The following HPS3 variants were observed in gnomAD, a reference collection of about 807,000 sequenced individuals.
The protein encoded by HPS3 is BLOC-2 complex member HPS3.
A neutral mutation model predicts 110.9 loss-of-function variants in HPS3; 79 were observed. The observed-to-expected ratio is 0.71, with a 90% confidence interval of 0.59 to 0.86. The LOEUF is 0.86. Among genes scored for constraint, HPS3 ranks in the 40% least tolerant of loss-of-function variants. The pLI is 0.00. For missense variants in HPS3, 1,197 were observed against 1,206.2 expected (o/e 0.99, Z 0.11); for synonymous variants, 428 against 451.0 (o/e 0.95, Z 0.65).
In HPS3 at chr3:149,141,527, T is replaced by TG. The variant is rs1416764878; in HGVS notation, c.970+147_970+148insG. ...TGTGGCCCTTTAACAAAGTTTTTTTTTTTGTTTTTTTTTTTTTTTTTTTTT... is the reference window on the plus strand; with the variant it reads ...TGTGGCCCTTTAACAAAGTTTTTTTTGTTTGTTTTTTTTTTTTTTTTTTTTT... On this transcript the variant is annotated intron_variant, in intron 4 of 16. Coordinates refer to ENST00000296051, the MANE Select transcript of HPS3 (RefSeq NM_032383.5). 9 of 580,808 alleles carry TG rather than the reference T, an allele frequency of 1.5e-5. No homozygotes were observed. In the African/African-American group the frequency reaches 2.0e-4, roughly 13 times the overall value. 36.0% of individuals were successfully genotyped at this position (580,808 alleles called of 1,614,324 possible). A position where few individuals can be genotyped will look rare whatever the true frequency, so the allele number is the denominator to read the frequency against.
chr3:149,163,549 A>G (rs1301104517), intron 13 of HPS3, among the ~76,000 whole-genome samples: 2 of 152,186 alleles, frequency 1.3e-5, no homozygotes, highest in Non-Finnish European at 2.9e-5. Flanking sequence ...ATTATTTCCA[A>G]TATTCTTTTT....
At chr3:149,166,150 A>G in intron 14 of HPS3, 1 of 388,094 alleles carries the variant, frequency 2.6e-6, no homozygotes, top group East Asian at 7.5e-5. Flanking sequence ...TGGTAGAATC[A>G]AAAGTAGTAT....
intron 14 of HPS3, among the ~76,000 whole-genome samples, chr3:149,165,211 C>G (rs1294243329): frequency 6.6e-6 from 1 of 152,094 alleles, no homozygotes; most frequent in Non-Finnish European, 1.5e-5. Flanking sequence ...GAGCATTGGA[C>G]AAGACAGATG....
intron 1 of HPS3, among the ~76,000 whole-genome samples, chr3:149,135,009 C>T (rs1482716851): frequency 6.6e-6 from 1 of 152,178 alleles, no homozygotes; most frequent in Non-Finnish European, 1.5e-5. Flanking sequence ...TTCACAATAA[C>T]TGGGACATGA....
At chr3:149,149,373 T>C (rs1395788730) in intron 5 of HPS3, among the ~76,000 whole-genome samples, 1 of 152,140 alleles carries the variant, frequency 6.6e-6, no homozygotes, top group Non-Finnish European at 1.5e-5. Flanking sequence ...CTTCCCTCTC[T>C]CTCAGTTTAC....
At chr3:149,130,625 C>T (rs139580518) in intron 1 of HPS3, among the ~76,000 whole-genome samples, 14 of 152,190 alleles carry the variant, frequency 9.2e-5, no homozygotes, top group African/African-American at 3.4e-4. Flanking sequence ...ACTAAAAATA[C>T]AAAAATTAGC....
chr3:149,159,468 C>G (rs1723658244), intron 10 of HPS3, among the ~76,000 whole-genome samples: 1 of 152,102 alleles, frequency 6.6e-6, no homozygotes, highest in Admixed American at 6.5e-5. Context: ...GAGGCTGAGG[C>G]AGGAGGATCG....
rs1724018415 is a variant in HPS3, at chr3:149,162,856, C to T, written c.2459C>T (p.Pro820Leu). Residue 820 changes from proline to leucine, a missense_variant, in exon 13 of 17, where the codon CCA becomes CTA. Physicochemically the swap from Pro to Leu is moderately conservative, Grantham distance 98 (BLOSUM62 -3). Coordinates refer to ENST00000296051, the MANE Select transcript of HPS3 (RefSeq NM_032383.5). ...LSKRQPPDTT[P>L]LRTSEDLINA... Reference sequence around the variant, plus strand: ...AAGAGGCAGCCTCCTGACACCACACCATTGCGAACATCGGAGGATCTGGTA... The same window carrying T: ...AAGAGGCAGCCTCCTGACACCACACTATTGCGAACATCGGAGGATCTGGTA... The T allele has an allele frequency of 4.3e-6, 7 of 1,613,726 alleles. No individual in the cohort carries two copies. The highest frequency in any genetic ancestry group is 5.9e-6 in the Non-Finnish European group (7 of 1,179,682).
At chr3:149,148,243 T>A (rs776607798) in intron 5 of HPS3, among the ~76,000 whole-genome samples, 1 of 152,122 alleles carries the variant, frequency 6.6e-6, no homozygotes, top group African/African-American at 2.4e-5. Flanking sequence ...CTTGAAAAGT[T>A]TCTGGAAGAT....
chr3:149,149,397 T>C (rs1345975258), intron 5 of HPS3, among the ~76,000 whole-genome samples: 1 of 152,194 alleles, frequency 6.6e-6, no homozygotes, highest in East Asian at 1.9e-4. Flanking sequence ...CCAAGGTTGC[T>C]AACTCTACTC....
chr3:149,153,139 G>A (rs972710411), intron 6 of HPS3, among the ~76,000 whole-genome samples: 16 of 152,348 alleles, frequency 1.1e-4, no homozygotes, highest in Non-Finnish European at 1.9e-4. Flanking sequence ...TTCCCTGGGT[G>A]GCAGAGTACC....
At chr3:149,145,634 C>T in intron 5 of HPS3, 88 bp downstream of exon 5, 1 of 1,013,138 alleles carries the variant, frequency 9.9e-7, no homozygotes, top group Admixed American at 1.7e-5. Context: ...ATTGTGTGAA[C>T]TAGCATAGAG....
At chr3:149,152,366 A>G (rs1723181298) in intron 6 of HPS3, among the ~76,000 whole-genome samples, 1 of 152,182 alleles carries the variant, frequency 6.6e-6, no homozygotes, top group South Asian at 2.1e-4. Flanking sequence ...AAATAATTCC[A>G]TGTATTTTCA....
intron 8 of HPS3, among the ~76,000 whole-genome samples, chr3:149,156,479 A>G (rs1039506943): frequency 2.6e-5 from 4 of 151,516 alleles, no homozygotes; most frequent in African/African-American, 9.7e-5. Flanking sequence ...GAATATTTCT[A>G]TAGCCTTTCA....
chr3:149,167,207 A>C lies in HPS3; in HGVS notation c.2763A>C (p.Pro921=). ...LLERCPEAVI[P]YANHELKEEN... ...AGAGATGCCCGGAGGCAGTCATTCCATATGCTAATCATGAACTGAAAGAAG... is the reference window on the plus strand; with the variant it reads ...AGAGATGCCCGGAGGCAGTCATTCCCTATGCTAATCATGAACTGAAAGAAG... Residue 921 remains proline (P), a synonymous_variant, in exon 15 of 17, where the codon CCA becomes CCC. Transcript: ENST00000296051. 6.2e-7 allele frequency: 1 copy of C among 1,613,788 alleles called. No individual in the cohort carries two copies. The highest frequency in any genetic ancestry group is 1.7e-4 in the Middle Eastern group (1 of 6,024).
At chr3:149,131,257 T>A (rs1277028607) in intron 1 of HPS3, among the ~76,000 whole-genome samples, 1 of 152,104 alleles carries the variant, frequency 6.6e-6, no homozygotes, top group Non-Finnish European at 1.5e-5. Context: ...AGTAAAGACA[T>A]ATACAGGCAT....
In HPS3 at chr3:149,138,534, G is replaced by A. The variant is rs117751249; in HGVS notation, c.218-1470G>A. 1.5e-3 allele frequency among the ~76,000 whole-genome samples: 228 copies of A among 152,172 alleles called. 2 individuals are homozygous for A. The East Asian group carries it at 0.035, about 23-fold the overall frequency. On this transcript the variant is annotated intron_variant, in intron 1 of 16. Transcript: ENST00000296051. ...TTTATGTAATTTGGAGGACATGGAT[G>A]GGAACTCAGAAGGCAAGGAGGAAAA...
At chr3:149,170,115 G>T (rs936995509) in intron 16 of HPS3, among the ~76,000 whole-genome samples, 8 of 152,152 alleles carry the variant, frequency 5.3e-5, no homozygotes, top group Admixed American at 2.6e-4. Flanking sequence ...ATTCTAGAAG[G>T]AATTAAAGAG....
chr3:149,155,480 A>G (rs895579674), intron 8 of HPS3, among the ~76,000 whole-genome samples: 1 of 152,210 alleles, frequency 6.6e-6, no homozygotes, highest in Non-Finnish European at 1.5e-5. Context: ...CAATCTGAAC[A>G]TAGTCTTTGA....
Sources: allele counts gnomAD v4.1 joint callset (sites outside exome capture counted in the v4.1 genomes callset), GRCh38; gene constraint gnomAD v4.1.1; transcripts MANE v1.5; gene names NCBI Gene and HGNC (gene_info 2026-07-23, HGNC 2026-07-21).